Variants in PUS1 observed in about 807,000 individuals in gnomAD.
The protein encoded by PUS1 is pseudouridylate synthase 1 homolog.
PUS1 carries 25 observed loss-of-function variants against 38.5 expected under a neutral mutation model. The observed-to-expected ratio is 0.65, with a 90% CI of 0.47 to 0.91. The LOEUF is 0.91. PUS1 is among the 40% of genes least tolerant of loss of function. PUS1 has a pLI of 0.00. For synonymous variants in PUS1, 282 were observed against 260.4 expected (o/e 1.08, Z -0.80); for missense variants, 597 against 612.3 (o/e 0.97, Z 0.26).
chr12:131,932,342 C>A, intron 3 of PUS1, 30 bp downstream of exon 3: 2 of 1,611,832 alleles, frequency 1.2e-6, no homozygotes, highest in Non-Finnish European at 1.7e-6. Flanking sequence ...GCCCCTCCCC[C>A]GCTGCTATGA....
At chr12:131,940,629 G>C (rs1891022163) in intron 4 of PUS1, among the ~76,000 whole-genome samples, 3 of 152,132 alleles carry the variant, frequency 2.0e-5, no homozygotes, top group Non-Finnish European at 4.4e-5. Context: ...CCAGGCTGGA[G>C]TGCAGTGGCG....
At position 131,929,957 on chromosome 12, in the gene PUS1, G is replaced by A. The variant is rs758949898; in HGVS notation, c.125G>A (p.Cys42Tyr). The A allele has an allele frequency of 4.0e-6, 6 of 1,516,562 alleles. No homozygotes were observed. The South Asian group carries it at 7.4e-5, about 19-fold the overall frequency. 93.9% of individuals were successfully genotyped at this position (1,516,562 alleles called of 1,614,324 possible). The change falls in exon 2 of 6, where the codon TGC becomes TAC. Residue 42 changes from cysteine to tyrosine, a missense_variant. Coordinates refer to ENST00000376649, the MANE Select transcript of PUS1 (RefSeq NM_025215.6). The part of the protein sequence containing the change: ...NAEPPPAGAA[C>Y]PQDRRSCSGR... ...GAGCCGCCGCCCGCCGGAGCCGCAT[G>A]CCCCCAGGACCGGAGGTCCTGCAGC...
intron 3 of PUS1, among the ~76,000 whole-genome samples, chr12:131,933,137 C>G (rs1344782799): frequency 6.6e-5 from 10 of 151,192 alleles, no homozygotes; most frequent in African/African-American, 2.4e-4. Flanking sequence ...TGAGATTTGG[C>G]GGGGACACAG....
chr12:131,933,290 C>G (rs1890690356), intron 3 of PUS1, among the ~76,000 whole-genome samples: 1 of 151,446 alleles, frequency 6.6e-6, no homozygotes, highest in African/African-American at 2.4e-5. Flanking sequence ...CTTGGCGTCC[C>G]AAAGTACTGG....
intron 5 of PUS1, among the ~76,000 whole-genome samples, chr12:131,942,728 C>T (rs1265480383): frequency 6.6e-6 from 1 of 152,166 alleles, no homozygotes; most frequent in Non-Finnish European, 1.5e-5. Context: ...TTCATGGTGG[C>T]CCAGTGAGGT....
At chr12:131,934,453 C>T (rs1033547147) in intron 3 of PUS1, among the ~76,000 whole-genome samples, 5 of 152,248 alleles carry the variant, frequency 3.3e-5, no homozygotes, top group Admixed American at 2.6e-4. Context: ...TCACCTCTCA[C>T]AGTGTCCTTC....
At chr12:131,935,454 C>A (rs1227186075) in intron 3 of PUS1, among the ~76,000 whole-genome samples, 2 of 152,196 alleles carry the variant, frequency 1.3e-5, no homozygotes, top group Non-Finnish European at 2.9e-5. Flanking sequence ...AGAAGTAAAT[C>A]CATTAGGCCG....
chr12:131,941,811 C>T lies in PUS1; in HGVS notation c.1064C>T (p.Pro355Leu), dbSNP rs748733498. The T allele has an allele frequency of 4.0e-5, 64 of 1,613,632 alleles. No individual in the cohort carries two copies. The highest frequency in any genetic ancestry group is 4.7e-5 in the Non-Finnish European group (56 of 1,179,742). The change falls in exon 5 of 6, where the codon CCG (proline) becomes CTG (leucine). Residue 355 changes from proline to leucine, a missense_variant. Physicochemically the swap from Pro to Leu is moderately conservative, Grantham distance 98. Coordinates refer to ENST00000376649, the MANE Select transcript of PUS1 (RefSeq NM_025215.6). The surrounding 1 kb of genome is among the most constrained non-coding windows in gnomAD (Gnocchi z 4.4). Reference protein sequence around the residue: ...QRFGNDGLHEPLDWAQEEGKV... With the variant: ...QRFGNDGLHELLDWAQEEGKV... ...TTTGGCAACGATGGGCTGCATGAGC[C>T]GCTGGACTGGGCGCAGGAGGAAGGA...
rs745929452 is a variant in PUS1 at position 131,929,882 on chromosome 12, C to T, written c.75-25C>T. On this transcript the variant is annotated intron_variant, in intron 1 of 5. Transcript: ENST00000376649. ...ACCCCGCGCGGTGCCGAGCGGGCCC[C>T]CGCTCACGCCGCCCTTCTCCGCAGC... 3.5e-4 allele frequency: 505 copies of T among 1,462,944 alleles called. 1 individual carries two copies. Among genetic ancestry groups the T allele is most frequent in the Non-Finnish European group, 4.3e-4 (474 of 1,113,384 alleles). 90.6% of individuals were successfully genotyped at this position (1,462,944 alleles called of 1,614,324 possible).
intron 2 of PUS1, 60 bp from the exon 3 acceptor site, chr12:131,932,115 C>T (rs781277425): frequency 4.7e-6 from 7 of 1,502,454 alleles, no homozygotes; most frequent in African/African-American, 1.4e-5. Flanking sequence ...CCAGCCTGGG[C>T]AACATCATGG....
Position 131,941,805 on chromosome 12 carries a change from A to G in PUS1, c.1058A>G (p.His353Arg), listed in dbSNP as rs1052476493. Residue 353 changes from histidine to arginine, a missense_variant, in exon 5 of 6, where the codon CAT becomes CGT. His to Arg is a conservative substitution (Grantham distance 29). Transcript: ENST00000376649. This position sits in a 1 kb window ranked among gnomAD's most constrained non-coding sequence, Gnocchi z 4.4. ...YNQRFGNDGLHEPLDWAQEEG... is the reference protein window; with the variant it reads ...YNQRFGNDGLREPLDWAQEEG... ...CAGCGCTTTGGCAACGATGGGCTGC[A>G]TGAGCCGCTGGACTGGGCGCAGGAG... 2 of 1,613,376 alleles carry G rather than the reference A, an allele frequency of 1.2e-6. No homozygotes were observed. The highest frequency in any genetic ancestry group is 1.1e-5 in the South Asian group (1 of 91,084).
rs775200434 is a variant in PUS1 at position 131,943,594 on chromosome 12, G to C, written c.*8G>C. ...GACGGAGACACTGACTGAGGCGATG[G>C]GAGCTGCCCACCAGAGTGCCTCTGA... On this transcript the variant is annotated 3_prime_UTR_variant, in exon 6 of 6. Coordinates refer to ENST00000376649, the MANE Select transcript of PUS1 (RefSeq NM_025215.6). 36 of 1,612,040 alleles carry C rather than the reference G, an allele frequency of 2.2e-5. No homozygotes were observed. In the Admixed American group the frequency reaches 5.3e-4, roughly 24 times the overall value.
At position 131,942,054 on chromosome 12, in the gene PUS1, G is replaced by C. The variant is rs186871900; in HGVS notation, c.1236+71G>C. 2.7e-4 allele frequency: 366 copies of C among 1,367,470 alleles called. 1 individual carries two copies. Among genetic ancestry groups the C allele is most frequent in the Middle Eastern group, 1.6e-3 (7 of 4,408 alleles). 84.7% of individuals were successfully genotyped at this position (1,367,470 alleles called of 1,614,324 possible). A position where few individuals can be genotyped will look rare whatever the true frequency, so the allele number is the denominator to read the frequency against. ...TTGTTCCCATTGTACAGAGGAGTGA[G>C]CTGAGGCACAGAGAAGTGTGTCACT... On this transcript the variant is annotated intron_variant, in intron 5 of 5. Coordinates refer to ENST00000376649, the MANE Select transcript of PUS1 (RefSeq NM_025215.6).
In PUS1 at chr12:131,931,851, T is replaced by C. The variant is rs1890615662; in HGVS notation, c.304-324T>C. 7.2e-6 allele frequency: 4 copies of C among 558,416 alleles called. No individual in the cohort carries two copies. The Admixed American group carries it at 1.2e-4, about 17-fold the overall frequency. The allele number at this position is 558,416 out of a possible 1,614,324, so 34.6% of individuals were successfully genotyped here. A position where few individuals can be genotyped will look rare whatever the true frequency, so the allele number is the denominator to read the frequency against. On this transcript the variant is annotated intron_variant, in intron 2 of 5. Coordinates refer to ENST00000376649, the MANE Select transcript of PUS1 (RefSeq NM_025215.6). ...TGGCCATAGATTACTTTATAGTCAA[T>C]GTTTTTTTTTTAAAGTATAGGTAGC... is the stretch of plus-strand genomic sequence containing the variant.
In PUS1 at chr12:131,941,568, G is replaced by T. The variant is rs138561555; in HGVS notation, c.821G>T (p.Arg274Leu). ...LEMYCEEPFV[R>L]EGLEFAVIRV... ...ATGTACTGCGAGGAACCCTTTGTGC[G>T]GGAGGGCCTGGAGTTTGCGGTGATC... The change falls in exon 5 of 6, where the codon CGG (arginine) becomes CTG (leucine). Residue 274 changes from arginine (R) to leucine (L), a missense_variant. Transcript: ENST00000376649. The surrounding 1 kb of genome is among the most constrained non-coding windows in gnomAD (Gnocchi z 4.4). The T allele has an allele frequency of 6.2e-7, 1 of 1,614,224 alleles. No homozygotes were observed. Among genetic ancestry groups the T allele is most frequent in the South Asian group, 1.1e-5 (1 of 91,084 alleles).
At chr12:131,935,575 C>G (rs979814939) in intron 3 of PUS1, among the ~76,000 whole-genome samples, 53 of 152,092 alleles carry the variant, frequency 3.5e-4, no homozygotes, top group African/African-American at 1.3e-3. Context: ...ACTCTTGTTG[C>G]CCAGGCTGGA....
intron 2 of PUS1, among the ~76,000 whole-genome samples, chr12:131,931,199 C>T (rs1890585443): frequency 6.6e-6 from 1 of 152,090 alleles, no homozygotes; most frequent in Non-Finnish European, 1.5e-5. Flanking sequence ...TGCTCTGTCG[C>T]CCAGGCTGGA....
intron 4 of PUS1, among the ~76,000 whole-genome samples, chr12:131,940,371 A>G (rs771973680): frequency 1.3e-5 from 2 of 152,054 alleles, no homozygotes; most frequent in African/African-American, 4.8e-5. Flanking sequence ...GCTGTTGTGT[A>G]TGTCAGCAGT....
At chr12:131,937,500 G>A (rs1890881946) in intron 3 of PUS1, among the ~76,000 whole-genome samples, 2 of 152,038 alleles carry the variant, frequency 1.3e-5, no homozygotes, top group South Asian at 2.1e-4. Context: ...TCAGCCTCCC[G>A]AGTAGCTGGG....
Sources: gnomAD v4.1 joint callset for allele counts (sites outside exome capture counted in the v4.1 genomes callset) on GRCh38, gnomAD v4.1.1 for gene constraint, Gnocchi (gnomAD v3.1) non-coding constraint, MANE v1.5 for transcripts, NCBI Gene and HGNC (gene_info 2026-07-23, HGNC 2026-07-21) for gene names.